IL1RL1: variants seen among roughly 807,000 people sequenced by gnomAD.
IL1RL1 encodes the protein interleukin 1 receptor like 1, also known as interleukin-1 receptor-like 1.
Under a neutral mutation model 50.9 loss-of-function variants are expected in IL1RL1, and 32 were observed. The ratio of observed to expected loss-of-function variants is 0.63; its 90% CI spans 0.47 to 0.84. The LOEUF (loss-of-function observed/expected upper bound fraction) is 0.84. Ranked by LOEUF, IL1RL1 falls within the 40% of genes least tolerant of loss-of-function variation. The probability of loss-of-function intolerance (pLI) is 0.00; values close to 1 mark genes in which losing one functional copy is unlikely to be tolerated. For synonymous variants in IL1RL1, 275 were observed against 236.0 expected, an observed-to-expected ratio of 1.17 and a Z score of -1.51; for missense variants, 773 against 662.9, an observed-to-expected ratio of 1.17 and a Z score of -1.82.
At chr2:102,321,087 C>G (rs541128496) in intron 1 of IL1RL1, among the ~76,000 whole-genome samples, 1 of 152,360 alleles carries the variant, frequency 6.6e-6, no homozygotes, top group African/African-American at 2.4e-5. Context: ...AGGCTTGCCT[C>G]CATGGCTGGA....
intron 6 of IL1RL1, 143 bp downstream of exon 6, chr2:102,342,437 C>T (rs1403892642): frequency 9.8e-6 from 6 of 612,626 alleles, no homozygotes; most frequent in Non-Finnish European, 1.7e-5. Context: ...CTGAAAGCAC[C>T]TGCCCCAAGC....
At chr2:102,345,227 C>T (rs1677738788) in intron 8 of IL1RL1, 1 of 985,060 alleles carries the variant, frequency 1.0e-6, no homozygotes, top group Non-Finnish European at 1.2e-6. Context: ...TGGACTGATC[C>T]TTCTCCCCAC....
chr2:102,345,623 G>A (rs1194018639), intron 8 of IL1RL1: 4 of 985,294 alleles, frequency 4.1e-6, no homozygotes, highest in South Asian at 4.7e-5. Context: ...ATCGTGGCAG[G>A]TCTCTGCCTG....
intron 1 of IL1RL1, among the ~76,000 whole-genome samples, chr2:102,320,723 A>C (rs777928026): frequency 2.0e-5 from 3 of 152,140 alleles, no homozygotes; most frequent in Non-Finnish European, 4.4e-5. Flanking sequence ...TCCATCAAGA[A>C]GTCCTACTAG....
chr2:102,329,783 A>T (rs1677121333), intron 1 of IL1RL1, among the ~76,000 whole-genome samples: 1 of 152,226 alleles, frequency 6.6e-6, no homozygotes. Flanking sequence ...TCAAAACCAC[A>T]ATGAGATACC....
rs932895817 is a variant in IL1RL1, at chr2:102,342,203, T to A, written c.611-20T>A. The A allele has an allele frequency of 3.9e-6, 6 of 1,550,292 alleles. No individual in the cohort carries two copies. Among genetic ancestry groups the A allele is most frequent in the Non-Finnish European group, 5.3e-6 (6 of 1,122,996 alleles). On this transcript the variant is annotated intron_variant, in intron 5 of 10. Transcript: ENST00000233954. ...GCATTCAATGCTCTCCTAATATTTA[T>A]ATTTCTTTTTGTCTTTAAGATGAGC... is the stretch of plus-strand genomic sequence containing the variant.
chr2:102,321,055 C>T (rs956886000), intron 1 of IL1RL1, among the ~76,000 whole-genome samples: 1 of 152,238 alleles, frequency 6.6e-6, no homozygotes, highest in Non-Finnish European at 1.5e-5. Flanking sequence ...ATGTGGCTTC[C>T]CTACTGGCCC....
chr2:102,328,650 G>C (rs1677084834), intron 1 of IL1RL1, among the ~76,000 whole-genome samples: 1 of 152,074 alleles, frequency 6.6e-6, no homozygotes, highest in South Asian at 2.1e-4. Context: ...CAAAGTCTCA[G>C]GATAAAAAAT....
At chr2:102,327,504 C>G (rs930350277) in intron 1 of IL1RL1, among the ~76,000 whole-genome samples, 2 of 152,050 alleles carry the variant, frequency 1.3e-5, no homozygotes, top group African/African-American at 4.8e-5. Context: ...TAACTAAGAT[C>G]AGAGCAGAAC....
At chr2:102,328,432 T>G (rs1443593328) in intron 1 of IL1RL1, among the ~76,000 whole-genome samples, 1 of 152,192 alleles carries the variant, frequency 6.6e-6, no homozygotes, top group East Asian at 1.9e-4. Flanking sequence ...AGCATTCCCT[T>G]TGAAAACTGG....
chr2:102,339,189 T>A (rs556896575), intron 3 of IL1RL1, 142 bp downstream of exon 3: 61 of 633,446 alleles, frequency 9.6e-5, no homozygotes, highest in Admixed American at 2.9e-4. Context: ...ATAAAAGTGA[T>A]TTGGATAAAC....
intron 5 of IL1RL1, chr2:102,341,201 T>C: frequency 8.9e-7 from 1 of 1,128,526 alleles, no homozygotes; most frequent in Non-Finnish European, 1.1e-6. Flanking sequence ...GGTGTCAGAG[T>C]TTCTGCAAAT....
intron 1 of IL1RL1, among the ~76,000 whole-genome samples, chr2:102,330,656 T>G (rs1394088740): frequency 6.6e-6 from 1 of 152,226 alleles, no homozygotes; most frequent in African/African-American, 2.4e-5. Flanking sequence ...TATTTTATCT[T>G]TTTCATATGA....
At chr2:102,314,607 T>G (rs895085217) in intron 1 of IL1RL1, among the ~76,000 whole-genome samples, 1 of 152,226 alleles carries the variant, frequency 6.6e-6, no homozygotes, top group Non-Finnish European at 1.5e-5. Context: ...AGTGTGGATA[T>G]CAGTGGCCAA....
intron 1 of IL1RL1, among the ~76,000 whole-genome samples, chr2:102,318,410 G>A (rs1435007745): frequency 1.3e-5 from 2 of 148,262 alleles, no homozygotes; most frequent in South Asian, 2.1e-4. Context: ...AAAAGATGAA[G>A]TTGCCATCAA....
Position 102,348,061 on chromosome 2 carries a change from G to T in IL1RL1, c.1087G>T (p.Asp363Tyr), listed in dbSNP as rs1456354166. 2 of 1,613,168 alleles carry T rather than the reference G, an allele frequency of 1.2e-6. No individual in the cohort carries two copies. Among genetic ancestry groups the T allele is most frequent in the East Asian group, 4.5e-5 (2 of 44,868 alleles). ...GATTGAGGCCACTCTGCTCTGGAGAGACATAGCTAAACCTTACAAGACTAG... is the reference window on the plus strand; with the variant it reads ...GATTGAGGCCACTCTGCTCTGGAGATACATAGCTAAACCTTACAAGACTAG... ...FWIEATLLWR[D>Y]IAKPYKTRND... The change falls in exon 9 of 11, where the codon GAC becomes TAC. Residue 363 changes from aspartate (D) to tyrosine (Y), a missense_variant. Transcript: ENST00000233954.
rs146105446 is a variant in IL1RL1, at chr2:102,343,098, G to A, written c.745G>A (p.Val249Ile). 8.1e-5 allele frequency: 130 copies of A among 1,613,896 alleles called. No individual in the cohort carries two copies. In the East Asian group the frequency reaches 1.5e-3, roughly 19 times the overall value. The change falls in exon 7 of 11, where the codon GTC becomes ATC. Residue 249 changes from valine (V) to isoleucine (I), a missense_variant. Val to Ile is a conservative substitution (Grantham distance 29). Coordinates refer to ENST00000233954, the MANE Select transcript of IL1RL1 (RefSeq NM_016232.5). ...FGKGTQFLAAVLWQLNGTKIT... is the reference protein window; with the variant it reads ...FGKGTQFLAAILWQLNGTKIT... ...AAAAGGCACTCAGTTCTTGGCTGCC[G>A]TCCTGTGGCAGCTTAATGGAACAAA... is the stretch of plus-strand genomic sequence containing the variant.
At chr2:102,327,399 G>T (rs1330297537) in intron 1 of IL1RL1, among the ~76,000 whole-genome samples, 1 of 151,294 alleles carries the variant, frequency 6.6e-6, no homozygotes. Context: ...ACAAGAGAAA[G>T]CAGGAAAGAT....
chr2:102,313,909 G>T (rs1212255133), intron 1 of IL1RL1, among the ~76,000 whole-genome samples: 1 of 152,136 alleles, frequency 6.6e-6, no homozygotes, highest in African/African-American at 2.4e-5. Context: ...GATCCCTCTG[G>T]TTCTAGAACA....
Sources: allele counts gnomAD v4.1 joint callset (sites outside exome capture counted in the v4.1 genomes callset), GRCh38; gene constraint gnomAD v4.1.1; transcripts MANE v1.5; gene names NCBI Gene and HGNC (gene_info 2026-07-23, HGNC 2026-07-21).